RBM4: variants seen among roughly 807,000 people sequenced by gnomAD.
RBM4 encodes the protein RNA binding motif protein 4.
A neutral mutation model predicts 29.5 loss-of-function variants in RBM4; 7 were observed. The ratio of observed to expected loss-of-function variants is 0.24; its 90% CI spans 0.14 to 0.45. The LOEUF (loss-of-function observed/expected upper bound fraction) is 0.45. Among genes scored for constraint, RBM4 ranks in the 20% least tolerant of loss-of-function variants. The pLI is 1.00. For synonymous variants in RBM4, 220 were observed against 205.4 expected, an observed-to-expected ratio of 1.07 and a Z score of -0.61; for missense variants, 387 against 502.3, an observed-to-expected ratio of 0.77 and a Z score of 2.19.
At chr11:66,663,922 T>G (rs1397573947) in intron 2 of RBM4, among the ~76,000 whole-genome samples, 1 of 152,090 alleles carries the variant, frequency 6.6e-6, no homozygotes, top group East Asian at 1.9e-4. Flanking sequence ...AAAAGTAGCC[T>G]CACCACCAGC....
chr11:66,639,035 G>C (rs937021486), intron 1 of RBM4: 1 of 152,016 alleles, frequency 6.6e-6, no homozygotes, highest in Admixed American at 6.6e-5. Context: ...ATATCTGACA[G>C]TTACATTCTC....
intron 2 of RBM4, chr11:66,665,527 C>CCCGGCA: frequency 7.0e-7 from 1 of 1,425,958 alleles, no homozygotes; most frequent in Non-Finnish European, 9.6e-7. Flanking sequence ...CCGCGCGGAG[C>CCCGGCA]AAGTTCTCAT....
chr11:66,643,630 G>C lies in RBM4; in HGVS notation c.593G>C (p.Arg198Pro). 1.2e-6 allele frequency: 2 copies of C among 1,614,164 alleles called. No individual in the cohort carries two copies. The highest frequency in any genetic ancestry group is 1.7e-6 in the Non-Finnish European group (2 of 1,180,040). The change falls in exon 3 of 4, where the codon CGT becomes CCT. Residue 198 changes from arginine to proline, a missense_variant. Arg to Pro is a moderately radical substitution (Grantham distance 103). Coordinates refer to ENST00000310092, the MANE Select transcript of RBM4 (RefSeq NM_002896.4). This position sits in a 1 kb window ranked among gnomAD's most constrained non-coding sequence, Gnocchi z 6.1. ...TATAATGAGCAATACGGAGCAGTGC[G>C]TACGCCTTACACCATGAGCTATGGG... ...EQYNEQYGAV[R>P]TPYTMSYGDS...
downstream of RBM4, among the ~76,000 whole-genome samples, chr11:66,651,386 C>T (rs1263369921): frequency 6.7e-6 from 1 of 149,916 alleles, no homozygotes. Context: ...CTTGCTCTGT[C>T]ACCCAGGTTG....
chr11:66,664,507 C>T (rs1036753333), intron 2 of RBM4, among the ~76,000 whole-genome samples: 4 of 150,880 alleles, frequency 2.7e-5, no homozygotes, highest in Non-Finnish European at 2.9e-5. Flanking sequence ...GTTGTCCAGG[C>T]TGGAGTGCAA....
downstream of RBM4, among the ~76,000 whole-genome samples, chr11:66,648,498 G>A (rs973394547): frequency 6.6e-6 from 1 of 151,658 alleles, no homozygotes; most frequent in African/African-American, 2.4e-5. Flanking sequence ...CTACAGCCTG[G>A]GTGTCTCAAA....
chr11:66,663,017 C>T (rs989555790), intron 2 of RBM4, among the ~76,000 whole-genome samples: 2 of 152,128 alleles, frequency 1.3e-5, no homozygotes, highest in Non-Finnish European at 2.9e-5. Flanking sequence ...TTTTGCTTCA[C>T]CTGTCAAGAT....
intron 3 of RBM4, chr11:66,644,608 G>A: frequency 1.2e-6 from 1 of 813,590 alleles, no homozygotes; most frequent in Non-Finnish European, 1.5e-6. Context: ...GTCCATAACT[G>A]TAGTTAACTG....
Position 66,639,753 on chromosome 11 carries a change from A to G in RBM4, c.42A>G (p.Thr14=), listed in dbSNP as rs1293016985. 1 of 1,614,166 alleles carries G rather than the reference A, an allele frequency of 6.2e-7. No individual in the cohort carries two copies. Among genetic ancestry groups the G allele is most frequent in the Admixed American group, 1.7e-5 (1 of 60,018 alleles). Residue 14 remains threonine, a synonymous_variant, in exon 2 of 4, where the codon ACA becomes ACG. Transcript: ENST00000310092. ...LFIGNLPREA[T]EQEIRSLFEQ... is the part of the protein sequence containing the mutation. ...TCGGAAACCTGCCCCGGGAGGCTAC[A>G]GAGCAGGAGATTCGCTCACTCTTCG...
downstream of RBM4, among the ~76,000 whole-genome samples, chr11:66,648,613 G>A (rs146299283): frequency 8.1e-3 from 1,219 of 151,418 alleles, 16 homozygotes; most frequent in African/African-American, 0.028. Context: ...TCAGGAGTTC[G>A]AGACCAGCCT....
chr11:66,644,928 T>G (rs1055716296), intron 3 of RBM4, among the ~76,000 whole-genome samples: 2 of 140,210 alleles, frequency 1.4e-5, no homozygotes, highest in East Asian at 2.0e-4. Flanking sequence ...TTACTTAGGG[T>G]TTTTTTTTTT....
Position 66,643,840 on chromosome 11 carries a change from C to A in RBM4, c.803C>A (p.Ser268Tyr), listed in dbSNP as rs369217508. 1 of 1,613,894 alleles carries A rather than the reference C, an allele frequency of 6.2e-7. No individual in the cohort carries two copies. The highest frequency in any genetic ancestry group is 8.5e-7 in the Non-Finnish European group (1 of 1,180,026). Reference protein sequence around the residue: ...TAMASHLTSTSLDPYDRHLLP... With the variant: ...TAMASHLTSTYLDPYDRHLLP... Reference sequence around the variant, plus strand: ...ATGGCCAGTCACCTCACCTCCACCTCTCTCGATCCCTACGATAGACACCTG... The same window carrying A: ...ATGGCCAGTCACCTCACCTCCACCTATCTCGATCCCTACGATAGACACCTG... The change falls in exon 3 of 4, where the codon TCT (serine) becomes TAT (tyrosine). Residue 268 changes from serine (S) to tyrosine (Y), a missense_variant. Physicochemically the swap from Ser to Tyr is moderately radical, Grantham distance 144. Transcript: ENST00000310092. This position sits in a 1 kb window ranked among gnomAD's most constrained non-coding sequence, Gnocchi z 6.1.
chr11:66,639,512 C>T (rs932850343), intron 1 of RBM4, 188 bp from the exon 2 acceptor site: 14 of 720,400 alleles, frequency 1.9e-5, no homozygotes, highest in Middle Eastern at 3.9e-4. Context: ...CTTATTCTTA[C>T]AGGTTCATGG....
intron 2 of RBM4, among the ~76,000 whole-genome samples, chr11:66,642,884 C>G (rs764243011): frequency 6.6e-6 from 1 of 152,300 alleles, no homozygotes; most frequent in East Asian, 1.9e-4. Context: ...CTCTGTCTCC[C>G]CAGTTCATGA....
At chr11:66,640,792 C>T (rs1004074303) in intron 2 of RBM4, 5 of 152,360 alleles carry the variant, frequency 3.3e-5, no homozygotes, top group Admixed American at 3.3e-4. Flanking sequence ...GAATAGAGCA[C>T]TTAGATTTGT....
downstream of RBM4, among the ~76,000 whole-genome samples, chr11:66,647,885 T>C (rs1035989172): frequency 2.0e-5 from 3 of 152,168 alleles, no homozygotes; most frequent in Non-Finnish European, 2.9e-5. Context: ...GGATATGATA[T>C]ATTTTTGCAT....
Position 66,643,288 on chromosome 11 carries a change from T to C in RBM4, c.413-162T>C, listed in dbSNP as rs1377034141. On this transcript the variant is annotated intron_variant, in intron 2 of 3. Coordinates refer to ENST00000310092, the MANE Select transcript of RBM4 (RefSeq NM_002896.4). The surrounding 1 kb of genome is among the most constrained non-coding windows in gnomAD (Gnocchi z 6.1). ...TGAAATCAGGTCATTATACTGAATC[T>C]ATATGTTGAGTCTTTTTTTTTTTTC... Among the ~76,000 whole-genome samples, 1 of 152,192 alleles carries C rather than the reference T, an allele frequency of 6.6e-6. No individual in the cohort carries two copies. The highest frequency in any genetic ancestry group is 1.5e-5 in the Non-Finnish European group (1 of 68,034).
At chr11:66,641,844 T>C (rs947840043) in intron 2 of RBM4, among the ~76,000 whole-genome samples, 2 of 152,224 alleles carry the variant, frequency 1.3e-5, no homozygotes, top group Non-Finnish European at 2.9e-5. Context: ...GGGTATCTTC[T>C]CTATTGCTTG....
At chr11:66,654,554 TG>T (rs1488801471) in intron 2 of RBM4, among the ~76,000 whole-genome samples, 1 of 151,908 alleles carries the variant, frequency 6.6e-6, no homozygotes, top group Non-Finnish European at 1.5e-5. Context: ...TAGGCTGGAG[TG>T]CTGTGGTGCA....
Sources: allele counts gnomAD v4.1 joint callset (sites outside exome capture counted in the v4.1 genomes callset), GRCh38; gene constraint gnomAD v4.1.1; non-coding constraint Gnocchi (gnomAD v3.1); transcripts MANE v1.5; gene names NCBI Gene and HGNC (gene_info 2026-07-23, HGNC 2026-07-21).